The following A3GALT2 variants were observed in gnomAD, a reference collection of about 807,000 sequenced individuals.
A3GALT2 encodes alpha 1,3-galactosyltransferase 2.
A neutral mutation model predicts 16.6 loss-of-function variants in A3GALT2; 14 were observed. That is an observed-to-expected ratio of 0.84 (90% CI 0.56 to 1.32). The LOEUF is 1.32. Among genes scored for constraint, A3GALT2 ranks in the 40% most tolerant of loss-of-function variants. The pLI, the probability that A3GALT2 is intolerant of heterozygous loss-of-function variation, is 0.00. For synonymous variants in A3GALT2, 253 were observed against 218.0 expected, an observed-to-expected ratio of 1.16 and a Z score of -1.42; for missense variants, 600 against 490.9, an observed-to-expected ratio of 1.22 and a Z score of -2.10.
chr1:33,320,652 TA>T lies in A3GALT2; in HGVS notation c.23+423del, dbSNP rs1646281659. ...ACTCTCGTTGGCTTCAAGAAAGGGTTAAAGATCAGCCATTAGGTCTTAAGGG... is the reference window on the plus strand; with the variant it reads ...ACTCTCGTTGGCTTCAAGAAAGGGTTAAGATCAGCCATTAGGTCTTAAGGG... On this transcript the variant is annotated intron_variant, in intron 1 of 4. Coordinates refer to ENST00000442999, the MANE Select transcript of A3GALT2 (RefSeq NM_001080438.1). This position sits in a 1 kb window ranked among gnomAD's most constrained non-coding sequence, Gnocchi z 4.3. 6.6e-6 allele frequency among the ~76,000 whole-genome samples: 1 copy of T among 152,002 alleles called. No homozygotes were observed. Among genetic ancestry groups the T allele is most frequent in the Admixed American group, 6.6e-5 (1 of 15,144 alleles).
intron 1 of A3GALT2, among the ~76,000 whole-genome samples, chr1:33,319,250 A>T (rs142164555): frequency 3.3e-5 from 5 of 152,312 alleles, no homozygotes; most frequent in Admixed American, 3.3e-4. Context: ...AAGATCAAGG[A>T]AATGCAAACT....
chr1:33,312,272 T>C, intron 3 of A3GALT2, 83 bp from the exon 4 acceptor site: 1 of 1,566,890 alleles, frequency 6.4e-7, no homozygotes, highest in East Asian at 2.3e-5. Context: ...TCCCCAGTGC[T>C]GAGCCCTAGG....
intron 1 of A3GALT2, among the ~76,000 whole-genome samples, chr1:33,315,484 A>G (rs981535198): frequency 3.3e-5 from 5 of 152,004 alleles, no homozygotes; most frequent in Admixed American, 2.0e-4. Context: ...GTTACAGGTT[A>G]CAGTAAGCTA....
chr1:33,312,787 C>G lies in A3GALT2; in HGVS notation c.107+20G>C, dbSNP rs756147297. On this transcript the variant is annotated intron_variant, in intron 2 of 4. Transcript: ENST00000442999. ...CCTGACTGTGGTCCTACCTCAAGTG[C>G]TGGGGAAAGGGGCTTTTACCTGAAT... 6.3e-7 allele frequency: 1 copy of G among 1,584,958 alleles called. No homozygotes were observed.
chr1:33,307,132 C>G lies in A3GALT2; in HGVS notation c.657G>C (p.Gln219His). 6.5e-7 allele frequency: 1 copy of G among 1,541,336 alleles called. No homozygotes were observed. Among genetic ancestry groups the G allele is most frequent in the Non-Finnish European group, 8.7e-7 (1 of 1,146,558 alleles). The change falls in exon 5 of 5, where the codon CAG becomes CAC. Residue 219 changes from glutamine to histidine, a missense_variant. Gln to His is a conservative substitution (Grantham distance 24). Transcript: ENST00000442999. ...GCCAGTGGTAGTGCCAGGAGTGCAG[C>G]TGCGCCACCGACTCGGCCAGCGCCT... ...GPEALAESVA[Q>H]LHSWHYHWPS... is the part of the protein sequence containing the mutation.
At position 33,320,370 on chromosome 1, in the gene A3GALT2, G is replaced by A. The variant is rs1397181062; in HGVS notation, c.23+706C>T. Among the ~76,000 whole-genome samples the A allele has an allele frequency of 6.6e-6, 1 of 152,066 alleles. No individual in the cohort carries two copies. Among genetic ancestry groups the A allele is most frequent in the African/African-American group, 2.4e-5 (1 of 41,458 alleles). The stretch of plus-strand genomic sequence containing the variant: ...CCTCCCAACCAGGGTAGGGCAAACC[G>A]ATGCTTATTCTGGGCTCTGGGCCTC... On this transcript the variant is annotated intron_variant, in intron 1 of 4. Coordinates refer to ENST00000442999, the MANE Select transcript of A3GALT2 (RefSeq NM_001080438.1). The surrounding 1 kb of genome is among the most constrained non-coding windows in gnomAD (Gnocchi z 4.3).
At chr1:33,312,480 G>A (rs1322011990) in intron 3 of A3GALT2, 21 bp downstream of exon 3, 1 of 1,562,422 alleles carries the variant, frequency 6.4e-7, no homozygotes, top group Non-Finnish European at 8.7e-7. Flanking sequence ...CCTTGGAGTA[G>A]GAGGGATGGG....
chr1:33,308,783 T>TTTTTTTTTTTTTTTTGG (rs1646217692), intron 4 of A3GALT2, among the ~76,000 whole-genome samples: 1 of 133,976 alleles, frequency 7.5e-6, no homozygotes, highest in African/African-American at 3.0e-5. Flanking sequence ...TTTTTTTTAG[T>TTTTTTTTTTTTTTTTGG]ATTTATTGAT....
At chr1:33,319,653 A>C (rs965639118) in intron 1 of A3GALT2, among the ~76,000 whole-genome samples, 11 of 152,208 alleles carry the variant, frequency 7.2e-5, no homozygotes, top group South Asian at 4.1e-4. Context: ...GCAGGAGAGG[A>C]GGCAGCACAT....
chr1:33,319,146 AG>A (rs1396676871), intron 1 of A3GALT2, among the ~76,000 whole-genome samples: 2 of 152,214 alleles, frequency 1.3e-5, no homozygotes, highest in Non-Finnish European at 2.9e-5. Flanking sequence ...AGGCTTAGAA[AG>A]GTTAAATCAC....
intron 1 of A3GALT2, among the ~76,000 whole-genome samples, chr1:33,319,494 C>T (rs1646275941): frequency 6.6e-6 from 1 of 152,192 alleles, no homozygotes; most frequent in Non-Finnish European, 1.5e-5. Context: ...TTGGTTCCCT[C>T]CCTCTTTGCT....
intron 2 of A3GALT2, 33 bp from the exon 3 acceptor site, chr1:33,312,623 C>G (rs1042399341): frequency 6.5e-7 from 1 of 1,534,772 alleles, no homozygotes; most frequent in Non-Finnish European, 8.8e-7. Context: ...GGGCAGGCAG[C>G]CGTGAGAAGC....
chr1:33,316,946 C>T (rs1646264657), intron 1 of A3GALT2, among the ~76,000 whole-genome samples: 1 of 151,974 alleles, frequency 6.6e-6, no homozygotes, highest in Non-Finnish European at 1.5e-5. Flanking sequence ...GGGAGTGGGG[C>T]TGTCTTTCCA....
In A3GALT2 at chr1:33,312,909, C is replaced by A; in HGVS notation, c.24-19G>T. Reference sequence around the variant, plus strand: ...CCAGGCCCTGGGGGCGGGAGGGGGGCATCAGTAACTCATTTATATGTATAG... The same window carrying A: ...CCAGGCCCTGGGGGCGGGAGGGGGGAATCAGTAACTCATTTATATGTATAG... On this transcript the variant is annotated intron_variant, in intron 1 of 4. Transcript: ENST00000442999. 1 of 1,572,014 alleles carries A rather than the reference C, an allele frequency of 6.4e-7. No individual in the cohort carries two copies. The highest frequency in any genetic ancestry group is 1.1e-5 in the South Asian group (1 of 87,202).
At chr1:33,309,967 G>A (rs1367368644) in intron 4 of A3GALT2, among the ~76,000 whole-genome samples, 3 of 152,270 alleles carry the variant, frequency 2.0e-5, no homozygotes, top group African/African-American at 7.2e-5. Flanking sequence ...GGTAGGTGGA[G>A]GTTGTAGCGA....
At chr1:33,310,450 C>T (rs1646228311) in intron 4 of A3GALT2, among the ~76,000 whole-genome samples, 1 of 152,202 alleles carries the variant, frequency 6.6e-6, no homozygotes, top group South Asian at 2.1e-4. Context: ...GATAACGAGG[C>T]TGCCTGGAAT....
At chr1:33,315,092 A>G (rs922296364) in intron 1 of A3GALT2, among the ~76,000 whole-genome samples, 2 of 152,064 alleles carry the variant, frequency 1.3e-5, no homozygotes, top group African/African-American at 4.8e-5. Flanking sequence ...GCAAAAAATT[A>G]AATTAGCCGG....
intron 4 of A3GALT2, 32 bp downstream of exon 4, chr1:33,312,020 T>G (rs925702539): frequency 6.2e-7 from 1 of 1,612,638 alleles, no homozygotes. Flanking sequence ...ACTCACAGCT[T>G]TGACAGCACT....
chr1:33,319,927 C>T (rs1646277628), intron 1 of A3GALT2, among the ~76,000 whole-genome samples: 1 of 152,026 alleles, frequency 6.6e-6, no homozygotes, highest in African/African-American at 2.4e-5. Context: ...TTCCTGTTTA[C>T]ACTTTACACC....
Sources: allele counts gnomAD v4.1 joint callset (sites outside exome capture counted in the v4.1 genomes callset), GRCh38; gene constraint gnomAD v4.1.1; non-coding constraint Gnocchi (gnomAD v3.1); transcripts MANE v1.5; gene names NCBI Gene and HGNC (gene_info 2026-07-23, HGNC 2026-07-21).